Variants in CCDC179 observed in about 807,000 individuals in gnomAD.
The protein encoded by CCDC179 is coiled-coil domain-containing protein 179.
In CCDC179, 17 loss-of-function variants were observed where a neutral mutation model predicts 12.0. The observed-to-expected ratio is 1.42, with a 90% CI of 0.97 to 2.13. The LOEUF (loss-of-function observed/expected upper bound fraction) is 2.13. CCDC179 is among the 30% of genes most tolerant of loss of function. CCDC179 has a pLI of 0.00. For missense variants in CCDC179, 83 were observed against 78.6 expected (o/e 1.06, Z -0.21); for synonymous variants, 27 against 26.4 (o/e 1.02, Z -0.07).
intron 1 of CCDC179, among the ~76,000 whole-genome samples, chr11:22,859,749 G>C (rs1039542568): frequency 6.6e-6 from 1 of 152,180 alleles, no homozygotes; most frequent in Non-Finnish European, 1.5e-5. Context: ...CCACCTTACA[G>C]ATAAAAGGCA....
intron 1 of CCDC179, among the ~76,000 whole-genome samples, chr11:22,860,033 C>T (rs1381383101): frequency 5.3e-5 from 8 of 152,162 alleles, no homozygotes; most frequent in Non-Finnish European, 5.9e-5. Flanking sequence ...ATCTTTTAAC[C>T]AGAAGACCCA....
chr11:22,849,259 G>C (rs1858313426), intron 3 of CCDC179, among the ~76,000 whole-genome samples: 1 of 152,136 alleles, frequency 6.6e-6, no homozygotes, highest in African/African-American at 2.4e-5. Flanking sequence ...TTAGTAAAAA[G>C]TATCTGGATG....
intron 1 of CCDC179, among the ~76,000 whole-genome samples, chr11:22,859,986 T>C (rs1423102766): frequency 6.6e-6 from 1 of 152,212 alleles, no homozygotes; most frequent in Non-Finnish European, 1.5e-5. Flanking sequence ...TTCTTGATTG[T>C]ACCTTAAATA....
At chr11:22,851,738 C>T (rs1858408925) in intron 3 of CCDC179, among the ~76,000 whole-genome samples, 1 of 152,190 alleles carries the variant, frequency 6.6e-6, no homozygotes, top group Non-Finnish European at 1.5e-5. Context: ...AATCCTTCTG[C>T]TAAGGCCAGT....
Position 22,860,294 on chromosome 11 carries a change from C to G in CCDC179, c.45+83G>C. On this transcript the variant is annotated intron_variant, in intron 1 of 3. Transcript: ENST00000532798. Reference sequence around the variant, plus strand: ...ACCACATTTACAAGAGTTAGAAGCACCATGGCCAAGGCCACAGTGGCCTGG... The same window carrying G: ...ACCACATTTACAAGAGTTAGAAGCAGCATGGCCAAGGCCACAGTGGCCTGG... 4.1e-6 allele frequency: 6 copies of G among 1,453,250 alleles called. No homozygotes were observed. The South Asian group carries it at 7.7e-5, about 19-fold the overall frequency. 90.0% of individuals were successfully genotyped at this position (1,453,250 alleles called of 1,614,324 possible).
At position 22,847,502 on chromosome 11, in the gene CCDC179, C is replaced by T. The variant is rs1355632246; in HGVS notation, c.*8G>A. 5.6e-6 allele frequency: 8 copies of T among 1,434,474 alleles called. No individual in the cohort carries two copies. In the Admixed American group the frequency reaches 1.3e-4, roughly 24 times the overall value. 88.9% of individuals were successfully genotyped at this position (1,434,474 alleles called of 1,614,324 possible). A position where few individuals can be genotyped will look rare whatever the true frequency, so the allele number is the denominator to read the frequency against. ...AGCATGGTTTCCTTCAAATAGACTCCTGCTTTATCAAGATGACCACTAGAC... is the reference window on the plus strand; with the variant it reads ...AGCATGGTTTCCTTCAAATAGACTCTTGCTTTATCAAGATGACCACTAGAC... On this transcript the variant is annotated 3_prime_UTR_variant, in exon 4 of 4. Transcript: ENST00000532798.
At position 22,847,440 on chromosome 11, in the gene CCDC179, G is replaced by A. The variant is rs1276710120; in HGVS notation, c.*70C>T. On this transcript the variant is annotated 3_prime_UTR_variant, in exon 4 of 4. Coordinates refer to ENST00000532798, the MANE Select transcript of CCDC179 (RefSeq NM_001195637.2). ...TTTGTGGATGATCAATTCATGATATGTCACTTGATGTTCACAATCCACATA... is the reference window on the plus strand; with the variant it reads ...TTTGTGGATGATCAATTCATGATATATCACTTGATGTTCACAATCCACATA... The A allele has an allele frequency of 4.2e-6, 4 of 957,630 alleles. No homozygotes were observed. The highest frequency in any genetic ancestry group is 6.0e-6 in the Non-Finnish European group (4 of 671,868). The allele number at this position is 957,630 out of a possible 1,614,324, so 59.3% of individuals were successfully genotyped here.
intron 3 of CCDC179, among the ~76,000 whole-genome samples, chr11:22,850,939 G>A (rs1858362716): frequency 3.6e-5 from 2 of 55,684 alleles, no homozygotes; most frequent in Admixed American, 5.6e-4. Flanking sequence ...TGTTGCATAG[G>A]CTATATATAT....
Position 22,850,971 on chromosome 11 carries a change from TATATA to T in CCDC179, c.196-3455_196-3451del, listed in dbSNP as rs1446853647. Among the ~76,000 whole-genome samples the T allele has an allele frequency of 5.1e-3, 88 of 17,164 alleles. 1 individual carries two copies. The highest frequency in any genetic ancestry group is 6.4e-3 in the Non-Finnish European group (50 of 7,842). 11.3% of individuals were successfully genotyped at this position (17,164 alleles called of 152,430 possible). A position where few individuals can be genotyped will look rare whatever the true frequency, so the allele number is the denominator to read the frequency against. ...ATATATATATATATATATATATATATATATATTTTTTTTTTTTTTTTTTTTTTTTG... is the reference window on the plus strand; with the variant it reads ...ATATATATATATATATATATATATATTTTTTTTTTTTTTTTTTTTTTTTTG... On this transcript the variant is annotated intron_variant, in intron 3 of 3. Transcript: ENST00000532798.
chr11:22,854,894 T>C (rs56073540), intron 3 of CCDC179, among the ~76,000 whole-genome samples: 19,411 of 151,628 alleles, frequency 0.13, 1,590 homozygotes, highest in Non-Finnish European at 0.18. Flanking sequence ...CTAACAGTAA[T>C]CAACAGAAAG....
At chr11:22,850,334 C>G (rs1199268901) in intron 3 of CCDC179, among the ~76,000 whole-genome samples, 1 of 152,202 alleles carries the variant, frequency 6.6e-6, no homozygotes, top group African/African-American at 2.4e-5. Flanking sequence ...ACTCCTGTAT[C>G]AAGAACACAT....
intron 3 of CCDC179, among the ~76,000 whole-genome samples, chr11:22,850,969 TA>T (rs1413515431): frequency 0.02 from 420 of 20,754 alleles, 23 homozygotes; most frequent in Non-Finnish European, 0.029. Flanking sequence ...TATATATATA[TA>T]TATATATTTT....
rs1564918400 is a variant in CCDC179, at chr11:22,860,397, C to CGAT, written c.22_24dup (p.Ile8dup). 6.5e-7 allele frequency: 1 copy of CGAT among 1,535,600 alleles called. No homozygotes were observed. Among genetic ancestry groups the CGAT allele is most frequent in the African/African-American group, 1.4e-5 (1 of 73,148 alleles). On this transcript the variant is annotated inframe_insertion, in exon 1 of 4. Coordinates refer to ENST00000532798, the MANE Select transcript of CCDC179 (RefSeq NM_001195637.2). The stretch of plus-strand genomic sequence containing the variant: ...CTCACAGGGTTGACTTGGGAAGGCT[C>CGAT]GATGTCCCAGCAATACAGGCACATG...
At chr11:22,860,346 G>A in intron 1 of CCDC179, 31 bp downstream of exon 1, 1 of 1,534,586 alleles carries the variant, frequency 6.5e-7, no homozygotes, top group Non-Finnish European at 8.7e-7. Flanking sequence ...CAGAGTGGCA[G>A]AGTTGAGGTT....
At chr11:22,856,348 C>T (rs1408689132) in intron 3 of CCDC179, among the ~76,000 whole-genome samples, 3 of 151,504 alleles carry the variant, frequency 2.0e-5, no homozygotes, top group African/African-American at 7.2e-5. Flanking sequence ...GAATGTAAGG[C>T]TGTTTCAACA....
At chr11:22,854,562 T>C (rs1430921397) in intron 3 of CCDC179, among the ~76,000 whole-genome samples, 1 of 151,554 alleles carries the variant, frequency 6.6e-6, no homozygotes, top group Non-Finnish European at 1.5e-5. Context: ...AGTTAAAAAA[T>C]AAAATAAAGC....
At chr11:22,858,714 TCCTG>T (rs1347837610) in intron 2 of CCDC179, among the ~76,000 whole-genome samples, 2 of 152,044 alleles carry the variant, frequency 1.3e-5, no homozygotes, top group Non-Finnish European at 2.9e-5. Flanking sequence ...ACCATTACAC[TCCTG>T]CCTAAATAAT....
At chr11:22,856,011 A>T (rs1167161211) in intron 3 of CCDC179, among the ~76,000 whole-genome samples, 2 of 151,460 alleles carry the variant, frequency 1.3e-5, no homozygotes, top group Admixed American at 6.6e-5. Flanking sequence ...GTTATTATCT[A>T]TTTAAAAAAT....
Position 22,847,506 on chromosome 11 carries a change from T to G in CCDC179, c.*4A>C, listed in dbSNP as rs753304349. ...TGGTTTCCTTCAAATAGACTCCTGCTTTATCAAGATGACCACTAGACAAGA... is the reference window on the plus strand; with the variant it reads ...TGGTTTCCTTCAAATAGACTCCTGCGTTATCAAGATGACCACTAGACAAGA... On this transcript the variant is annotated 3_prime_UTR_variant, in exon 4 of 4. Transcript: ENST00000532798. The G allele has an allele frequency of 7.0e-7, 1 of 1,436,272 alleles. No homozygotes were observed. Among genetic ancestry groups the G allele is most frequent in the South Asian group, 1.5e-5 (1 of 68,934 alleles). The allele number at this position is 1,436,272 out of a possible 1,614,324, so 89.0% of individuals were successfully genotyped here.
Sources: allele counts gnomAD v4.1 joint callset (sites outside exome capture counted in the v4.1 genomes callset), GRCh38; gene constraint gnomAD v4.1.1; transcripts MANE v1.5; gene names NCBI Gene and HGNC (gene_info 2026-07-23, HGNC 2026-07-21).